The following ABCC12 variants were observed in gnomAD, a reference collection of about 807,000 sequenced individuals.
ABCC12 encodes the protein ATP-binding cassette sub-family C member 12.
Under a neutral mutation model 151.1 loss-of-function variants are expected in ABCC12, and 142 were observed. The observed-to-expected ratio is 0.94, with a 90% confidence interval of 0.82 to 1.08. ABCC12 has a LOEUF of 1.08. Ranked by LOEUF, ABCC12 falls within the 50% of genes least tolerant of loss-of-function variation. The probability of loss-of-function intolerance (pLI) is 0.00; values close to 1 mark genes in which losing one functional copy is unlikely to be tolerated. For missense variants in ABCC12, 1,638 were observed against 1,691.1 expected (o/e 0.97, Z 0.55); for synonymous variants, 645 against 646.4 (o/e 1.00, Z 0.03).
rs1055817358 is a variant in ABCC12, at chr16:48,095,549, T to C, written c.3195+1197A>G. On this transcript the variant is annotated intron_variant, in intron 24 of 30. Transcript: ENST00000311303. Reference sequence around the variant, plus strand: ...TGTGGAAATTAAATATGTGAATATATGATTGCCAAATTTAAAATTCAAGGA... The same window carrying C: ...TGTGGAAATTAAATATGTGAATATACGATTGCCAAATTTAAAATTCAAGGA... Among the ~76,000 whole-genome samples the C allele has an allele frequency of 6.4e-4, 97 of 152,250 alleles. 2 individuals are homozygous for C. Among genetic ancestry groups the C allele is most frequent in the Non-Finnish European group, 2.1e-4 (14 of 68,034 alleles).
chr16:48,083,061 C>T lies in ABCC12; in HGVS notation c.*654G>A, dbSNP rs1962411248. 6.6e-6 allele frequency: 1 copy of T among 152,164 alleles called. No individual in the cohort carries two copies. Among genetic ancestry groups the T allele is most frequent in the South Asian group, 2.1e-4 (1 of 4,830 alleles). The allele number at this position is 152,164 out of a possible 1,614,324, so 9.4% of individuals were successfully genotyped here. A position where few individuals can be genotyped will look rare whatever the true frequency, so the allele number is the denominator to read the frequency against. On this transcript the variant is annotated 3_prime_UTR_variant, in exon 31 of 31. Coordinates refer to ENST00000311303, the MANE Select transcript of ABCC12 (RefSeq NM_001393797.1). ...CAAGGCGACATTTCAGGGTAATTTC[C>T]TACCGCGTTTTAACGACGAATAAAG...
intron 24 of ABCC12, among the ~76,000 whole-genome samples, chr16:48,094,686 G>C (rs1170781259): frequency 6.6e-6 from 1 of 152,122 alleles, no homozygotes; most frequent in Non-Finnish European, 1.5e-5. Flanking sequence ...TGAATTAACT[G>C]CCTAGGGATA....
intron 2 of ABCC12, chr16:48,146,883 A>G (rs759190389): frequency 3.1e-4 from 58 of 185,460 alleles, no homozygotes; most frequent in Non-Finnish European, 6.1e-4. Context: ...ACACACATGC[A>G]CACACACATC....
chr16:48,124,783 C>G (rs1964185879), intron 11 of ABCC12, among the ~76,000 whole-genome samples: 2 of 152,272 alleles, frequency 1.3e-5, no homozygotes, highest in South Asian at 4.1e-4. Flanking sequence ...TTAATTCAAC[C>G]AACAAATCAT....
At position 48,117,671 on chromosome 16, in the gene ABCC12, A is replaced by AG. The variant is rs551386841; in HGVS notation, c.1713-339dup. Among the ~76,000 whole-genome samples the AG allele has an allele frequency of 1.1e-4, 17 of 152,266 alleles. No individual in the cohort carries two copies. In the South Asian group the frequency reaches 1.7e-3, roughly 15 times the overall value. On this transcript the variant is annotated intron_variant, in intron 13 of 30. Coordinates refer to ENST00000311303, the MANE Select transcript of ABCC12 (RefSeq NM_001393797.1). ...GCTGGACGCTCATGGGAGTCAGAGG[A>AG]GGGGTCACCCTTGGGGGCTGCAGTT...
intron 19 of ABCC12, 100 bp from the exon 20 acceptor site, chr16:48,107,525 G>T: frequency 9.7e-7 from 1 of 1,025,676 alleles, no homozygotes; most frequent in Non-Finnish European, 1.5e-6. Flanking sequence ...TTCAAAACCT[G>T]CAGGAAAAGG....
At chr16:48,107,471 A>G (rs749744346) in intron 19 of ABCC12, 46 bp from the exon 20 acceptor site, 6 of 1,546,928 alleles carry the variant, frequency 3.9e-6, no homozygotes, top group South Asian at 1.1e-5. Context: ...ACATGAGCAC[A>G]TGGCAGGGGC....
chr16:48,108,513 G>A lies in ABCC12; in HGVS notation c.2298C>T (p.Leu766=), dbSNP rs1234021286. 6 of 1,614,054 alleles carry A rather than the reference G, an allele frequency of 3.7e-6. No individual in the cohort carries two copies. The highest frequency in any genetic ancestry group is 4.5e-5 in the East Asian group (2 of 44,878). Residue 766 remains leucine (L), a synonymous_variant, in exon 19 of 31, where the codon CTC becomes CTT. Transcript: ENST00000311303. ...CTTCCTGGGGGGATTCAGTCTGGAT[G>A]AGCTGGTGCTCAGGAACTGTGGAGA... The part of the protein sequence containing the change: ...FVDTKVPEHQ[L]IQTESPQEGT...
chr16:48,084,097 G>C, intron 29 of ABCC12, 24 bp from the exon 30 acceptor site: 4 of 1,583,374 alleles, frequency 2.5e-6, no homozygotes, highest in Non-Finnish European at 3.4e-6. Flanking sequence ...AACATTATAA[G>C]CCAAAGGCGC....
intron 26 of ABCC12, 65 bp from the exon 27 acceptor site, chr16:48,088,150 A>T: frequency 6.5e-7 from 1 of 1,545,360 alleles, no homozygotes; most frequent in Non-Finnish European, 8.8e-7. Context: ...ATATCCAAGC[A>T]TTTAATCAGT....
At chr16:48,139,084 T>C (rs1421114478) in intron 7 of ABCC12, 79 bp downstream of exon 7, 1 of 1,460,334 alleles carries the variant, frequency 6.8e-7, no homozygotes, top group Non-Finnish European at 9.2e-7. Context: ...GCGCCAGAAA[T>C]GCAGCCTTCC....
chr16:48,101,088 C>T (rs1963292152), intron 22 of ABCC12, 79 bp from the exon 23 acceptor site: 2 of 1,522,860 alleles, frequency 1.3e-6, no homozygotes, highest in South Asian at 2.5e-5. Flanking sequence ...ACAGAGCCAA[C>T]TAGGCACTCA....
In ABCC12 at chr16:48,082,248, G is replaced by A. The variant is rs1962372000; in HGVS notation, c.*1467C>T. 6.6e-6 allele frequency among the ~76,000 whole-genome samples: 1 copy of A among 152,204 alleles called. No individual in the cohort carries two copies. Among genetic ancestry groups the A allele is most frequent in the African/African-American group, 2.4e-5 (1 of 41,462 alleles). Reference sequence around the variant, plus strand: ...CATTGCTGCCAAGCTGCTGGGCCAGGGCTTTCATGCAGTTGCCAGGTTATA... The same window carrying A: ...CATTGCTGCCAAGCTGCTGGGCCAGAGCTTTCATGCAGTTGCCAGGTTATA... On this transcript the variant is annotated 3_prime_UTR_variant, in exon 31 of 31. Transcript: ENST00000311303.
chr16:48,101,642 T>C (rs1963311937), intron 22 of ABCC12, among the ~76,000 whole-genome samples: 1 of 151,024 alleles, frequency 6.6e-6, no homozygotes, highest in African/African-American at 2.4e-5. Flanking sequence ...CCCAGGGCAG[T>C]GAGGAGGGAA....
intron 20 of ABCC12, among the ~76,000 whole-genome samples, chr16:48,106,576 C>T (rs1963499903): frequency 6.6e-6 from 1 of 152,196 alleles, no homozygotes; most frequent in African/African-American, 2.4e-5. Context: ...AGATGGCTCT[C>T]TATTTCTGCA....
intron 22 of ABCC12, 101 bp from the exon 23 acceptor site, chr16:48,101,110 A>G (rs1056143768): frequency 1.1e-5 from 15 of 1,370,908 alleles, no homozygotes; most frequent in Non-Finnish European, 1.5e-5. Flanking sequence ...CACAGTGCTT[A>G]AGTCAGAGAC....
At chr16:48,104,395 A>G (rs764331234) in intron 21 of ABCC12, 27 bp from the exon 22 acceptor site, 2 of 1,605,814 alleles carry the variant, frequency 1.2e-6, no homozygotes, top group Non-Finnish European at 8.5e-7. Flanking sequence ...AGAGTCAAAC[A>G]GAGTCGAGAT....
rs751710928 is a variant in ABCC12 at position 48,083,552 on chromosome 16, G to C, written c.*163C>G. On this transcript the variant is annotated 3_prime_UTR_variant, in exon 31 of 31. Transcript: ENST00000311303. The stretch of plus-strand genomic sequence containing the variant: ...CAAGCCCACCAAGTGGGGTGACATG[G>C]ACTGAGTATGGCAGTGGGGACAACT... 20 of 745,592 alleles carry C rather than the reference G, an allele frequency of 2.7e-5. No individual in the cohort carries two copies. The highest frequency in any genetic ancestry group is 8.8e-5 in the African/African-American group (5 of 56,962). 46.2% of individuals were successfully genotyped at this position (745,592 alleles called of 1,614,324 possible).
chr16:48,085,812 T>G, intron 28 of ABCC12, 106 bp from the exon 29 acceptor site: 1 of 910,838 alleles, frequency 1.1e-6, no homozygotes. Context: ...CTTGCTTTAT[T>G]TTACTGTGGC....
Sources: allele counts gnomAD v4.1 joint callset (sites outside exome capture counted in the v4.1 genomes callset), GRCh38; gene constraint gnomAD v4.1.1; transcripts MANE v1.5; gene names NCBI Gene and HGNC (gene_info 2026-07-23, HGNC 2026-07-21).